Variants in MAP3K7 observed in about 807,000 individuals in gnomAD.
MAP3K7 encodes TGF-beta activated kinase 1.
A neutral mutation model predicts 84.8 loss-of-function variants in MAP3K7; 21 were observed. The ratio of observed to expected loss-of-function variants is 0.25; its 90% CI spans 0.18 to 0.36. The LOEUF is 0.36. Among genes scored for constraint, MAP3K7 ranks in the 10% least tolerant of loss-of-function variants. The probability of loss-of-function intolerance (pLI) is 1.00; values close to 1 mark genes in which losing one functional copy is unlikely to be tolerated. For synonymous variants in MAP3K7, 241 were observed against 247.7 expected (o/e 0.97, Z 0.25); for missense variants, 503 against 747.7 (o/e 0.67, Z 3.82).
chr6:90,549,382 T>G (rs866998543), intron 9 of MAP3K7, among the ~76,000 whole-genome samples: 1 of 152,156 alleles, frequency 6.6e-6, no homozygotes, highest in South Asian at 2.1e-4. Flanking sequence ...AACTGTCCAA[T>G]AGCACTAAAC....
intron 3 of MAP3K7, among the ~76,000 whole-genome samples, chr6:90,563,390 G>C (rs920657731): frequency 6.6e-6 from 1 of 152,156 alleles, no homozygotes; most frequent in African/African-American, 2.4e-5. Context: ...TGACCTGATG[G>C]AGCTGAAAAC....
At chr6:90,566,551 T>G (rs1056080499) in intron 3 of MAP3K7, among the ~76,000 whole-genome samples, 3 of 152,150 alleles carry the variant, frequency 2.0e-5, no homozygotes, top group Admixed American at 6.5e-5. Context: ...CACTGCTCAT[T>G]GGAATAAAAG....
At chr6:90,523,373 T>C (rs1423204498) in intron 14 of MAP3K7, among the ~76,000 whole-genome samples, 1 of 151,952 alleles carries the variant, frequency 6.6e-6, no homozygotes, top group Non-Finnish European at 1.5e-5. Flanking sequence ...ATGAATCTAG[T>C]AGGAAAATCA....
chr6:90,531,709 T>C (rs1775510732), intron 13 of MAP3K7, among the ~76,000 whole-genome samples: 1 of 152,238 alleles, frequency 6.6e-6, no homozygotes, highest in East Asian at 1.9e-4. Context: ...TCCTAGCACT[T>C]TGGGAGGCTG....
intron 14 of MAP3K7, among the ~76,000 whole-genome samples, chr6:90,522,044 A>G (rs1775168582): frequency 6.6e-6 from 1 of 152,152 alleles, no homozygotes; most frequent in African/African-American, 2.4e-5. Flanking sequence ...TTTCTTACAA[A>G]TACTGCACAG....
At position 90,559,791 on chromosome 6, in the gene MAP3K7, C is replaced by A. The variant is rs9294461; in HGVS notation, c.482+285G>T. 0.036 allele frequency among the ~76,000 whole-genome samples: 5,417 copies of A among 152,210 alleles called. 114 individuals are homozygous for A. Among genetic ancestry groups the A allele is most frequent in the African/African-American group, 0.052 (2,152 of 41,518 alleles). ...TGTCTAACAGCAACATTATATACTG[C>A]AGGCACAAAATGAGATTTTTATAGG... On this transcript the variant is annotated intron_variant, in intron 5 of 16. Transcript: ENST00000369329.
chr6:90,572,385 A>G (rs1776934626), intron 1 of MAP3K7, among the ~76,000 whole-genome samples: 1 of 152,042 alleles, frequency 6.6e-6, no homozygotes, highest in African/African-American at 2.4e-5. Context: ...TACTTACGAT[A>G]TGAACTCCAA....
At chr6:90,517,280 T>C (rs1367127421) in intron 16 of MAP3K7, among the ~76,000 whole-genome samples, 1 of 151,862 alleles carries the variant, frequency 6.6e-6, no homozygotes, top group Non-Finnish European at 1.5e-5. Flanking sequence ...GATAAACTTA[T>C]TTAAGTCCCT....
At chr6:90,552,743 C>T (rs1473919171) in intron 7 of MAP3K7, among the ~76,000 whole-genome samples, 1 of 152,140 alleles carries the variant, frequency 6.6e-6, no homozygotes, top group African/African-American at 2.4e-5. Flanking sequence ...GAAGAGGATG[C>T]ATTCTAACAT....
chr6:90,562,311 T>C (rs1042989411), intron 3 of MAP3K7, among the ~76,000 whole-genome samples: 3 of 152,126 alleles, frequency 2.0e-5, no homozygotes, highest in Admixed American at 6.5e-5. Context: ...GGTTGGGGAA[T>C]TCACTTTCCT....
chr6:90,533,027 G>GT (rs1296611562), intron 13 of MAP3K7, among the ~76,000 whole-genome samples: 1 of 152,182 alleles, frequency 6.6e-6, no homozygotes, highest in Non-Finnish European at 1.5e-5. Flanking sequence ...GTATAAGGAA[G>GT]TAAGAGACTT....
chr6:90,516,697 A>G lies in MAP3K7; in HGVS notation c.1641-16T>C. The G allele has an allele frequency of 1.9e-6, 3 of 1,575,966 alleles. No individual in the cohort carries two copies. Among genetic ancestry groups the G allele is most frequent in the Non-Finnish European group, 2.6e-6 (3 of 1,164,954 alleles). ...TAGTTCTTGCCTACAAACAAATACC[A>G]CATAATATTACACATGATGGAAAAA... On this transcript the variant is annotated splice_polypyrimidine_tract_variant and intron_variant, in intron 16 of 16. Transcript: ENST00000369329.
At chr6:90,522,687 T>C (rs547197711) in intron 14 of MAP3K7, among the ~76,000 whole-genome samples, 1 of 152,112 alleles carries the variant, frequency 6.6e-6, no homozygotes, top group Non-Finnish European at 1.5e-5. Context: ...TGGCTAAACA[T>C]AGTTCTATCT....
intron 9 of MAP3K7, among the ~76,000 whole-genome samples, chr6:90,548,523 A>C (rs914473434): frequency 6.6e-6 from 1 of 152,146 alleles, no homozygotes; most frequent in Non-Finnish European, 1.5e-5. Flanking sequence ...GAAAATATTA[A>C]GTTTGAGTTT....
At position 90,556,639 on chromosome 6, in the gene MAP3K7, A is replaced by C. The variant is rs781581610; in HGVS notation, c.483-15T>G. On this transcript the variant is annotated splice_polypyrimidine_tract_variant and intron_variant, in intron 5 of 16. Transcript: ENST00000369329. ...CCAGCAGTAAGCTGTTTAAAAAAAA[A>C]CAAAAAACATCAAAAGTTACAAGGC... The C allele has an allele frequency of 1.0e-5, 16 of 1,574,652 alleles. 1 individual carries two copies. Among genetic ancestry groups the C allele is most frequent in the African/African-American group, 5.5e-5 (4 of 72,156 alleles).
chr6:90,568,284 G>A (rs1338727132), intron 3 of MAP3K7, among the ~76,000 whole-genome samples: 6 of 151,464 alleles, frequency 4.0e-5, no homozygotes, highest in African/African-American at 1.5e-4. Flanking sequence ...TAATAATATG[G>A]GAGCAATGCC....
chr6:90,573,252 C>A (rs759293784), intron 1 of MAP3K7, among the ~76,000 whole-genome samples: 1 of 152,134 alleles, frequency 6.6e-6, no homozygotes, highest in Non-Finnish European at 1.5e-5. Flanking sequence ...AGCCCCATGT[C>A]GGGAAGTAGA....
chr6:90,529,678 G>A (rs889617997), intron 13 of MAP3K7, among the ~76,000 whole-genome samples: 2 of 152,166 alleles, frequency 1.3e-5, no homozygotes, highest in Non-Finnish European at 2.9e-5. Context: ...TACATGAAAT[G>A]TCTTCACACG....
intron 6 of MAP3K7, among the ~76,000 whole-genome samples, 191 bp from the exon 7 acceptor site, chr6:90,553,777 C>A (rs190331326): frequency 6.6e-6 from 1 of 152,240 alleles, no homozygotes; most frequent in East Asian, 1.9e-4. Context: ...TAAGTATCAA[C>A]AATACACTAA....
Sources: allele counts gnomAD v4.1 joint callset (sites outside exome capture counted in the v4.1 genomes callset), GRCh38; gene constraint gnomAD v4.1.1; transcripts MANE v1.5; gene names NCBI Gene and HGNC (gene_info 2026-07-23, HGNC 2026-07-21).